INAFM1: variants seen among roughly 807,000 people sequenced by gnomAD.
The protein encoded by INAFM1 is putative transmembrane protein INAFM1.
A neutral mutation model predicts 9.4 loss-of-function variants in INAFM1; 11 were observed. The ratio of observed to expected loss-of-function variants is 1.17; its 90% CI spans 0.74 to 1.94. INAFM1 has a LOEUF of 1.94. INAFM1 is among the 30% of genes most tolerant of loss of function. The pLI is 0.00. For synonymous variants in INAFM1, 161 were observed against 109.5 expected, an observed-to-expected ratio of 1.47 and a Z score of -2.94; for missense variants, 318 against 221.6, an observed-to-expected ratio of 1.44 and a Z score of -2.76.
rs1345821725 is a variant in INAFM1, at chr19:47,275,319, G to T, written c.400G>T (p.Glu134Ter). ...PSRQTPRETPEAAEGRRPG is the reference protein window; with the variant it reads ...PSRQTPRETP The stretch of plus-strand genomic sequence containing the variant: ...CCGCCAGACACCCAGAGAGACGCCA[G>T]AGGCCGCGGAGGGGCGAAGACCCGG... Residue 134 changes from glutamate (E) to a stop codon, truncating the protein, a stop_gained, in exon 1 of 1, where the codon GAG becomes TAG. Coordinates refer to ENST00000552360, the MANE Select transcript of INAFM1 (RefSeq NM_178511.6). LOFTEE classifies it high-confidence loss of function. The T allele has an allele frequency of 6.5e-7, 1 of 1,546,078 alleles. No homozygotes were observed.
rs1289386479 is a variant in INAFM1, at chr19:47,274,955, G to A, written c.36G>A (p.Glu12=). 3 of 1,377,570 alleles carry A rather than the reference G, an allele frequency of 2.2e-6. No individual in the cohort carries two copies. Among genetic ancestry groups the A allele is most frequent in the Admixed American group, 3.7e-5 (1 of 26,844 alleles). 85.3% of individuals were successfully genotyped at this position (1,377,570 alleles called of 1,614,324 possible). A position where few individuals can be genotyped will look rare whatever the true frequency, so the allele number is the denominator to read the frequency against. ...RGTSCVGGGA[E]SPGGAGLSEG... ...CCAGCTGCGTGGGCGGCGGCGCCGA[G>A]AGCCCCGGAGGCGCGGGGCTGAGCG... is the stretch of plus-strand genomic sequence containing the variant. Residue 12 remains glutamate (E), a synonymous_variant, in exon 1 of 1, where the codon GAG becomes GAA. Coordinates refer to ENST00000552360, the MANE Select transcript of INAFM1 (RefSeq NM_178511.6).
chr19:47,275,045 A>C lies in INAFM1; in HGVS notation c.126A>C (p.Leu42=). The C allele has an allele frequency of 1.3e-6, 2 of 1,490,890 alleles. No homozygotes were observed. Among genetic ancestry groups the C allele is most frequent in the Non-Finnish European group, 1.8e-6 (2 of 1,124,460 alleles). The allele number at this position is 1,490,890 out of a possible 1,614,324, so 92.4% of individuals were successfully genotyped here. The change falls in exon 1 of 1, where the codon CTA becomes CTC. Residue 42 remains leucine, a synonymous_variant. Transcript: ENST00000552360. ...GCGCCTACTTCCTCTGCGTCTCGCT[A>C]GCTGCCGTGCTGCTCGCCGTGTACT... ...PVCAYFLCVS[L]AAVLLAVYYG...
Position 47,275,051 on chromosome 19 carries a change from C to T in INAFM1, c.132C>T (p.Ala44=), listed in dbSNP as rs1178696996. 24 of 1,492,940 alleles carry T rather than the reference C, an allele frequency of 1.6e-5. No individual in the cohort carries two copies. Among genetic ancestry groups the T allele is most frequent in the African/African-American group, 2.9e-5 (2 of 68,528 alleles). The allele number at this position is 1,492,940 out of a possible 1,614,324, so 92.5% of individuals were successfully genotyped here. A position where few individuals can be genotyped will look rare whatever the true frequency, so the allele number is the denominator to read the frequency against. Reference sequence around the variant, plus strand: ...ACTTCCTCTGCGTCTCGCTAGCTGCCGTGCTGCTCGCCGTGTACTACGGTC... The same window carrying T: ...ACTTCCTCTGCGTCTCGCTAGCTGCTGTGCTGCTCGCCGTGTACTACGGTC... ...CAYFLCVSLA[A]VLLAVYYGLI... The change falls in exon 1 of 1, where the codon GCC becomes GCT. Residue 44 remains alanine (A), a synonymous_variant. Coordinates refer to ENST00000552360, the MANE Select transcript of INAFM1 (RefSeq NM_178511.6).
chr19:47,274,859 C>T, upstream of INAFM1: 4 of 906,080 alleles, frequency 4.4e-6, no homozygotes, highest in East Asian at 1.5e-4. Context: ...GGGGTGGGGG[C>T]GGGGCCTGGT....
Position 47,275,594 on chromosome 19 carries a change from C to T in INAFM1, c.*246C>T, listed in dbSNP as rs75929903. The T allele has an allele frequency of 8.7e-3, 4,788 of 550,374 alleles. 316 individuals are homozygous for T. In the East Asian group the frequency reaches 0.14, roughly 17 times the overall value. The allele number at this position is 550,374 out of a possible 1,614,324, so 34.1% of individuals were successfully genotyped here. ...ATCCCATCCTGAGCTCTGTCTCCTGCCCCTCCTGCTGTGGGATGCTGAGCA... is the reference window on the plus strand; with the variant it reads ...ATCCCATCCTGAGCTCTGTCTCCTGTCCCTCCTGCTGTGGGATGCTGAGCA... On this transcript the variant is annotated 3_prime_UTR_variant, in exon 1 of 1. Transcript: ENST00000552360.
rs150844815 is a variant in INAFM1 at position 47,275,716 on chromosome 19, T to C, written c.*368T>C. The C allele has an allele frequency of 4.5e-5, 12 of 267,736 alleles. No individual in the cohort carries two copies. In the Admixed American group the frequency reaches 6.6e-4, roughly 15 times the overall value. 16.6% of individuals were successfully genotyped at this position (267,736 alleles called of 1,614,324 possible). On this transcript the variant is annotated 3_prime_UTR_variant, in exon 1 of 1. Transcript: ENST00000552360. ...CTGCCTCGTGCTGTGTCTGTCCTGTTGTCTGCAGAGATGCCTCCCCTCCCA... is the reference window on the plus strand; with the variant it reads ...CTGCCTCGTGCTGTGTCTGTCCTGTCGTCTGCAGAGATGCCTCCCCTCCCA...
In INAFM1 at chr19:47,275,376, C is replaced by T. The variant is rs1302943278; in HGVS notation, c.*28C>T. On this transcript the variant is annotated 3_prime_UTR_variant, in exon 1 of 1. Coordinates refer to ENST00000552360, the MANE Select transcript of INAFM1 (RefSeq NM_178511.6). Reference sequence around the variant, plus strand: ...CTCCCTTCCACCCCAACCCGGATCGCCAGCCCTCGAGAGCTCTGTGCTCCA... The same window carrying T: ...CTCCCTTCCACCCCAACCCGGATCGTCAGCCCTCGAGAGCTCTGTGCTCCA... 1.3e-6 allele frequency: 2 copies of T among 1,529,482 alleles called. No homozygotes were observed. Among genetic ancestry groups the T allele is most frequent in the East Asian group, 2.7e-5 (1 of 37,546 alleles). 94.7% of individuals were successfully genotyped at this position (1,529,482 alleles called of 1,614,324 possible).
rs2059146685 is a variant in INAFM1 at position 47,274,887 on chromosome 19, G to A, written c.-33G>A. ...GGCCTGGTGGGGGCGGGGCCTGTGC[G>A]GTCTGCGGCGCGGAGCCGAGTGGGC... On this transcript the variant is annotated 5_prime_UTR_variant, in exon 1 of 1. Coordinates refer to ENST00000552360, the MANE Select transcript of INAFM1 (RefSeq NM_178511.6). The A allele has an allele frequency of 8.0e-7, 1 of 1,252,652 alleles. No homozygotes were observed. The highest frequency in any genetic ancestry group is 9.9e-7 in the Non-Finnish European group (1 of 1,005,878). The allele number at this position is 1,252,652 out of a possible 1,614,324, so 77.6% of individuals were successfully genotyped here.
In INAFM1 at chr19:47,275,059, T is replaced by C; in HGVS notation, c.140T>C (p.Leu47Pro). The change falls in exon 1 of 1, where the codon CTC becomes CCC. Residue 47 changes from leucine to proline, a missense_variant. Transcript: ENST00000552360. ...TGCGTCTCGCTAGCTGCCGTGCTGC[T>C]CGCCGTGTACTACGGTCTCATCTGG... ...FLCVSLAAVL[L>P]AVYYGLIWVP... is the part of the protein sequence containing the mutation. 1 of 1,494,496 alleles carries C rather than the reference T, an allele frequency of 6.7e-7. No individual in the cohort carries two copies. The highest frequency in any genetic ancestry group is 8.9e-7 in the Non-Finnish European group (1 of 1,125,752). The allele number at this position is 1,494,496 out of a possible 1,614,324, so 92.6% of individuals were successfully genotyped here.
upstream of INAFM1, chr19:47,274,805 G>GGGCGGGGCCGGA (rs1353414475): frequency 4.7e-5 from 34 of 724,184 alleles, no homozygotes; most frequent in East Asian, 1.4e-3. Flanking sequence ...ATGCTGGCGG[G>GGGCGGGGCCGGA]GGCGGGGCCG....
Position 47,274,893 on chromosome 19 carries a change from C to T in INAFM1, c.-27C>T, listed in dbSNP as rs573923574. On this transcript the variant is annotated 5_prime_UTR_variant, in exon 1 of 1. Transcript: ENST00000552360. ...GTGGGGGCGGGGCCTGTGCGGTCTGCGGCGCGGAGCCGAGTGGGCTGCGGG... is the reference window on the plus strand; with the variant it reads ...GTGGGGGCGGGGCCTGTGCGGTCTGTGGCGCGGAGCCGAGTGGGCTGCGGG... 2.8e-4 allele frequency: 349 copies of T among 1,239,274 alleles called. 1 individual carries two copies. The African/African-American group carries it at 5.0e-3, about 18-fold the overall frequency. 76.8% of individuals were successfully genotyped at this position (1,239,274 alleles called of 1,614,324 possible). A position where few individuals can be genotyped will look rare whatever the true frequency, so the allele number is the denominator to read the frequency against.
rs1303614691 is a variant in INAFM1, at chr19:47,275,375, G to T, written c.*27G>T. On this transcript the variant is annotated 3_prime_UTR_variant, in exon 1 of 1. Transcript: ENST00000552360. ...TCTCCCTTCCACCCCAACCCGGATC[G>T]CCAGCCCTCGAGAGCTCTGTGCTCC... is the stretch of plus-strand genomic sequence containing the variant. 4.6e-6 allele frequency: 7 copies of T among 1,528,902 alleles called. No individual in the cohort carries two copies. Among genetic ancestry groups the T allele is most frequent in the South Asian group, 1.2e-5 (1 of 82,966 alleles). 94.7% of individuals were successfully genotyped at this position (1,528,902 alleles called of 1,614,324 possible). A position where few individuals can be genotyped will look rare whatever the true frequency, so the allele number is the denominator to read the frequency against.
upstream of INAFM1, chr19:47,274,496 C>G (rs1014055899): frequency 5.1e-4 from 80 of 155,720 alleles, no homozygotes; most frequent in Non-Finnish European, 9.0e-4. Flanking sequence ...AGCAGTCCGA[C>G]AGGTAGAGAA....
At chr19:47,274,833 G>T, upstream of INAFM1, 3 of 911,244 alleles carry the variant, frequency 3.3e-6, no homozygotes, top group East Asian at 1.0e-4. Context: ...GCGGTTTAGA[G>T]AGCGGGGCGG....
chr19:47,275,372 A>T lies in INAFM1; in HGVS notation c.*24A>T, dbSNP rs558122065. The T allele has an allele frequency of 6.8e-5, 104 of 1,531,610 alleles. No homozygotes were observed. The Admixed American group carries it at 1.7e-3, about 26-fold the overall frequency. The allele number at this position is 1,531,610 out of a possible 1,614,324, so 94.9% of individuals were successfully genotyped here. A position where few individuals can be genotyped will look rare whatever the true frequency, so the allele number is the denominator to read the frequency against. On this transcript the variant is annotated 3_prime_UTR_variant, in exon 1 of 1. Transcript: ENST00000552360. Reference sequence around the variant, plus strand: ...AACTCTCCCTTCCACCCCAACCCGGATCGCCAGCCCTCGAGAGCTCTGTGC... The same window carrying T: ...AACTCTCCCTTCCACCCCAACCCGGTTCGCCAGCCCTCGAGAGCTCTGTGC...
chr19:47,275,512 G>A lies in INAFM1; in HGVS notation c.*164G>A. 2 of 988,710 alleles carry A rather than the reference G, an allele frequency of 2.0e-6. No homozygotes were observed. Among genetic ancestry groups the A allele is most frequent in the Admixed American group, 6.6e-5 (2 of 30,236 alleles). 61.2% of individuals were successfully genotyped at this position (988,710 alleles called of 1,614,324 possible). ...TGGGGGCCCAGGGGGTGTCAGCTCG[G>A]GGCCTTGCCTCTTGCAGCTACTCTG... is the stretch of plus-strand genomic sequence containing the variant. On this transcript the variant is annotated 3_prime_UTR_variant, in exon 1 of 1. Coordinates refer to ENST00000552360, the MANE Select transcript of INAFM1 (RefSeq NM_178511.6).
At position 47,275,109 on chromosome 19, in the gene INAFM1, C is replaced by T. The variant is rs2059149401; in HGVS notation, c.190C>T (p.Pro64Ser). Residue 64 changes from proline (P) to serine (S), a missense_variant, in exon 1 of 1, where the codon CCC (proline) becomes TCC (serine). Transcript: ENST00000552360. ...GGTACCCACGCGGTCTCCCGCGGCACCCGCCGGCCCACAGCCCAGCGCGCC... is the reference window on the plus strand; with the variant it reads ...GGTACCCACGCGGTCTCCCGCGGCATCCGCCGGCCCACAGCCCAGCGCGCC... Reference protein sequence around the residue: ...IWVPTRSPAAPAGPQPSAPSP... With the variant: ...IWVPTRSPAASAGPQPSAPSP... 5 of 1,493,640 alleles carry T rather than the reference C, an allele frequency of 3.3e-6. No homozygotes were observed. The highest frequency in any genetic ancestry group is 2.9e-5 in the East Asian group (1 of 35,032). The allele number at this position is 1,493,640 out of a possible 1,614,324, so 92.5% of individuals were successfully genotyped here. A position where few individuals can be genotyped will look rare whatever the true frequency, so the allele number is the denominator to read the frequency against.
upstream of INAFM1, chr19:47,274,781 G>A (rs2059145585): frequency 2.3e-6 from 1 of 433,360 alleles, no homozygotes; most frequent in East Asian, 6.2e-5. Flanking sequence ...GGCAGCTCGC[G>A]TGGGGGCGTG....
In INAFM1 at chr19:47,275,575, T is replaced by C. The variant is rs545464435; in HGVS notation, c.*227T>C. 572 of 588,360 alleles carry C rather than the reference T, an allele frequency of 9.7e-4. 3 individuals are homozygous for C. The highest frequency in any genetic ancestry group is 1.4e-3 in the Non-Finnish European group (486 of 340,170). 36.4% of individuals were successfully genotyped at this position (588,360 alleles called of 1,614,324 possible). On this transcript the variant is annotated 3_prime_UTR_variant, in exon 1 of 1. Transcript: ENST00000552360. Reference sequence around the variant, plus strand: ...GTCCTCCACCATCAGGAAGATCCCATCCTGAGCTCTGTCTCCTGCCCCTCC... The same window carrying C: ...GTCCTCCACCATCAGGAAGATCCCACCCTGAGCTCTGTCTCCTGCCCCTCC...
Sources: gnomAD v4.1 joint callset for allele counts on GRCh38, gnomAD v4.1.1 for gene constraint, MANE v1.5 for transcripts, NCBI Gene and HGNC (gene_info 2026-07-23, HGNC 2026-07-21) for gene names.